POT1: variants seen among roughly 807,000 people sequenced by gnomAD.
The protein encoded by POT1 is protection of telomeres protein 1.
A neutral mutation model predicts 78.5 loss-of-function variants in POT1; 47 were observed. The observed-to-expected ratio is 0.60, with a 90% CI of 0.47 to 0.76. The LOEUF is 0.76. Among genes scored for constraint, POT1 ranks in the 30% least tolerant of loss-of-function variants. POT1 has a pLI of 0.00. For synonymous variants in POT1, 259 were observed against 260.7 expected, an observed-to-expected ratio of 0.99 and a Z score of 0.06; for missense variants, 646 against 749.9, an observed-to-expected ratio of 0.86 and a Z score of 1.62.
At chr7:124,839,567 G>GT (rs1794976893) in intron 14 of POT1, among the ~76,000 whole-genome samples, 2 of 152,174 alleles carry the variant, frequency 1.3e-5, no homozygotes, top group Non-Finnish European at 2.9e-5. Context: ...CCATACTGCA[G>GT]TAAGATCCTA....
chr7:124,885,292 C>CAAA (rs1177758481), intron 6 of POT1, among the ~76,000 whole-genome samples: 1 of 25,738 alleles, frequency 3.9e-5, no homozygotes, highest in Non-Finnish European at 8.9e-5. Context: ...CTCCATCTCT[C>CAAA]CAAAAAAAAA....
chr7:124,858,491 A>G (rs1006435574), intron 9 of POT1, among the ~76,000 whole-genome samples: 1 of 152,006 alleles, frequency 6.6e-6, no homozygotes, highest in Non-Finnish European at 1.5e-5. Flanking sequence ...CACCCAATTT[A>G]TAATATTATA....
At chr7:124,886,716 G>A (rs887613075) in intron 6 of POT1, among the ~76,000 whole-genome samples, 11 of 152,008 alleles carry the variant, frequency 7.2e-5, no homozygotes, top group Non-Finnish European at 1.6e-4. Flanking sequence ...AAACATATCT[G>A]ATAGAGATAT....
At chr7:124,885,196 C>T (rs553611767) in intron 6 of POT1, among the ~76,000 whole-genome samples, 6 of 144,886 alleles carry the variant, frequency 4.1e-5, no homozygotes, top group Admixed American at 2.2e-4. Flanking sequence ...TGGTTCACAC[C>T]GGTAATCCCA....
chr7:124,847,368 C>T (rs913345452), intron 11 of POT1, among the ~76,000 whole-genome samples: 2 of 152,156 alleles, frequency 1.3e-5, no homozygotes, highest in African/African-American at 4.8e-5. Context: ...GGTGCAGATG[C>T]CTGTAATCCC....
intron 6 of POT1, among the ~76,000 whole-genome samples, chr7:124,884,225 T>TA (rs1291584373): frequency 6.6e-6 from 1 of 152,002 alleles, no homozygotes; most frequent in Non-Finnish European, 1.5e-5. Flanking sequence ...GGGATGTTTT[T>TA]ATAGAACAGG....
intron 3 of POT1, among the ~76,000 whole-genome samples, chr7:124,909,824 C>T (rs1796850049): frequency 6.6e-6 from 1 of 151,712 alleles, no homozygotes; most frequent in Non-Finnish European, 1.5e-5. Context: ...CATAGCATAA[C>T]CCTTTTATAC....
At chr7:124,825,144 A>G (rs1354382082) in intron 18 of POT1, 108 bp downstream of exon 18, 2 of 602,488 alleles carry the variant, frequency 3.3e-6, no homozygotes, top group East Asian at 5.8e-5. Flanking sequence ...TACTTAGTAA[A>G]TCATTTGGAA....
chr7:124,826,411 G>A (rs1794630883), intron 17 of POT1, among the ~76,000 whole-genome samples: 1 of 152,106 alleles, frequency 6.6e-6, no homozygotes. Context: ...TGAGTTCTAG[G>A]AGTCTTGTGA....
At chr7:124,841,487 C>A (rs1795027473) in intron 13 of POT1, among the ~76,000 whole-genome samples, 1 of 151,680 alleles carries the variant, frequency 6.6e-6, no homozygotes, top group East Asian at 1.9e-4. Flanking sequence ...ATTTTTTTCT[C>A]CTCTGTAAAG....
intron 8 of POT1, among the ~76,000 whole-genome samples, chr7:124,860,873 T>C (rs1315353249): frequency 1.3e-5 from 2 of 152,118 alleles, no homozygotes; most frequent in Non-Finnish European, 2.9e-5. Flanking sequence ...TTTTCCGTTC[T>C]TGTGTTAGTT....
intron 13 of POT1, 48 bp from the exon 14 acceptor site, chr7:124,841,226 G>A (rs751799131): frequency 6.1e-5 from 87 of 1,430,044 alleles, no homozygotes; most frequent in Non-Finnish European, 7.4e-5. Flanking sequence ...TGGTGTAAGC[G>A]TGAAGATTTC....
At chr7:124,857,613 G>C (rs957215342) in intron 9 of POT1, among the ~76,000 whole-genome samples, 1 of 152,174 alleles carries the variant, frequency 6.6e-6, no homozygotes, top group Non-Finnish European at 1.5e-5. Context: ...GGGACAGCTT[G>C]ATGGTGTAAC....
In POT1 at chr7:124,822,693, A is replaced by G; in HGVS notation, c.*1269T>C. ...AAGAGTCTATATTCTTGAAAATAAA[A>G]TCAGTCTTTCTCATTGTCTCAAACA... On this transcript the variant is annotated 3_prime_UTR_variant, in exon 19 of 19. Transcript: ENST00000357628. 3.5e-6 allele frequency: 1 copy of G among 289,530 alleles called. No individual in the cohort carries two copies. The highest frequency in any genetic ancestry group is 3.1e-5 in the South Asian group (1 of 32,364). The allele number at this position is 289,530 out of a possible 1,614,324, so 17.9% of individuals were successfully genotyped here.
At chr7:124,919,754 T>C (rs554602016) in intron 2 of POT1, among the ~76,000 whole-genome samples, 1 of 152,176 alleles carries the variant, frequency 6.6e-6, no homozygotes, top group African/African-American at 2.4e-5. Flanking sequence ...AGAAAATAAA[T>C]GTTTAAGCCA....
intron 9 of POT1, among the ~76,000 whole-genome samples, chr7:124,856,948 T>C (rs1795462041): frequency 6.6e-6 from 1 of 152,232 alleles, no homozygotes; most frequent in Non-Finnish European, 1.5e-5. Flanking sequence ...CATACATATA[T>C]ACACACAGAG....
chr7:124,861,517 C>G (rs1462454592), intron 8 of POT1, among the ~76,000 whole-genome samples: 1 of 144,108 alleles, frequency 6.9e-6, no homozygotes, highest in African/African-American at 2.6e-5. Context: ...GTCAGATGGA[C>G]AGATTGCAAA....
Position 124,842,260 on chromosome 7 carries a change from G to A in POT1, c.1163+547C>T, listed in dbSNP as rs564152570. ...TGATTTTCAGAATATGTCTTGAGCC[G>A]ATTATGTAGTAAAAGGATTACAAAA... On this transcript the variant is annotated intron_variant, in intron 13 of 18. Coordinates refer to ENST00000357628, the MANE Select transcript of POT1 (RefSeq NM_015450.3). Among the ~76,000 whole-genome samples the A allele has an allele frequency of 1.5e-4, 23 of 151,906 alleles. No homozygotes were observed. In the East Asian group the frequency reaches 2.1e-3, roughly 14 times the overall value.
intron 14 of POT1, 69 bp downstream of exon 14, chr7:124,840,904 A>G: frequency 7.8e-7 from 1 of 1,277,932 alleles, no homozygotes; most frequent in African/African-American, 1.5e-5. Flanking sequence ...AAAATGTATT[A>G]AACAATAATT....
Sources: gnomAD v4.1 joint callset for allele counts (sites outside exome capture counted in the v4.1 genomes callset) on GRCh38, gnomAD v4.1.1 for gene constraint, MANE v1.5 for transcripts, NCBI Gene and HGNC (gene_info 2026-07-23, HGNC 2026-07-21) for gene names.